The following ZNF548 variants were observed in gnomAD, a reference collection of about 807,000 sequenced individuals.
ZNF548 encodes zinc finger protein 548.
Under a neutral mutation model 10.2 loss-of-function variants are expected in ZNF548, and 10 were observed. That is an observed-to-expected ratio of 0.98 (90% CI 0.60 to 1.66). The LOEUF (loss-of-function observed/expected upper bound fraction) is 1.66, where lower values mean the gene tolerates loss of function less well. Ranked by LOEUF, ZNF548 falls within the 40% of genes most tolerant of loss-of-function variation. The pLI is 0.00. For synonymous variants in ZNF548, 217 were observed against 223.5 expected (o/e 0.97, Z 0.26); for missense variants, 599 against 657.0 (o/e 0.91, Z 0.97).
intron 1 of ZNF548, 35 bp from the exon 2 acceptor site, chr19:57,394,153 G>A (rs746377041): frequency 2.3e-5 from 36 of 1,594,402 alleles, no homozygotes; most frequent in Admixed American, 2.0e-4. Context: ...TCCTTCCATG[G>A]CTGTCAATTT....
Position 57,398,459 on chromosome 19 carries a change from G to A in ZNF548, c.208G>A (p.Ala70Thr), listed in dbSNP as rs17856896. 1.9e-5 allele frequency: 30 copies of A among 1,613,794 alleles called. No individual in the cohort carries two copies. The South Asian group carries it at 2.6e-4, about 14-fold the overall frequency. Residue 70 changes from alanine (A) to threonine (T), a missense_variant, in exon 4 of 4, where the codon GCA becomes ACA. Ala to Thr is a moderately conservative substitution (Grantham distance 58). Transcript: ENST00000336128. ...GSWHGAEDEE[A>T]PSQQGFSVGV... Reference sequence around the variant, plus strand: ...TTGGCATGGAGCTGAGGATGAGGAGGCACCTTCACAGCAAGGTTTTTCTGT... The same window carrying A: ...TTGGCATGGAGCTGAGGATGAGGAGACACCTTCACAGCAAGGTTTTTCTGT...
chr19:57,393,709 G>GA (rs2088644516), intron 1 of ZNF548, among the ~76,000 whole-genome samples: 1 of 91,176 alleles, frequency 1.1e-5, no homozygotes, highest in Non-Finnish European at 2.5e-5. Flanking sequence ...GAGGAGGGGA[G>GA]GGGGGAGGGC....
chr19:57,396,616 T>A (rs1410936043), intron 2 of ZNF548, among the ~76,000 whole-genome samples: 1 of 152,240 alleles, frequency 6.6e-6, no homozygotes, highest in African/African-American at 2.4e-5. Context: ...ATTTATTCCT[T>A]GCATTTCCCC....
At position 57,399,809 on chromosome 19, in the gene ZNF548, A is replaced by C. The variant is rs770126638; in HGVS notation, c.1558A>C (p.Met520Leu). The C allele has an allele frequency of 5.6e-6, 9 of 1,613,964 alleles. No homozygotes were observed. In the South Asian group the frequency reaches 8.8e-5, roughly 16 times the overall value. ...CAGTGAAGAGAGGCTTGTGTGCTCC[A>C]TGAATGTGGGGAATTCTTTAGCTAA... ...IHSEERLVCSMNVGNSLAKTP... is the reference protein window; with the variant it reads ...IHSEERLVCSLNVGNSLAKTP... Residue 520 changes from methionine to leucine, a missense_variant, in exon 4 of 4, where the codon ATG (methionine) becomes CTG (leucine). Transcript: ENST00000336128. The surrounding 1 kb of genome is among the most constrained non-coding windows in gnomAD (Gnocchi z 4.0).
chr19:57,394,284 G>T, intron 2 of ZNF548, 61 bp downstream of exon 2: 2 of 1,521,936 alleles, frequency 1.3e-6, no homozygotes, highest in African/African-American at 1.4e-5. Context: ...GTTTTGGCAG[G>T]TGACAAAACC....
intron 3 of ZNF548, among the ~76,000 whole-genome samples, chr19:57,397,558 G>T (rs1312969775): frequency 6.6e-6 from 1 of 152,108 alleles, no homozygotes; most frequent in East Asian, 1.9e-4. Context: ...CACTGCCCTG[G>T]TCACTGATTT....
chr19:57,396,937 T>C (rs1423297098), intron 2 of ZNF548, 111 bp from the exon 3 acceptor site: 1 of 1,442,460 alleles, frequency 6.9e-7, no homozygotes, highest in South Asian at 1.5e-5. Context: ...ATTTGGCTGT[T>C]AGTTTGGCCC....
chr19:57,391,797 T>G (rs1196672204), intron 1 of ZNF548, among the ~76,000 whole-genome samples: 3 of 144,894 alleles, frequency 2.1e-5, no homozygotes, highest in South Asian at 2.3e-4. Flanking sequence ...CTGTTTTTTT[T>G]TTTTTTTTTT....
Position 57,399,319 on chromosome 19 carries a change from A to G in ZNF548, c.1068A>G (p.Lys356=), listed in dbSNP as rs1318003588. 2 of 1,613,974 alleles carry G rather than the reference A, an allele frequency of 1.2e-6. No individual in the cohort carries two copies. Among genetic ancestry groups the G allele is most frequent in the Non-Finnish European group, 1.7e-6 (2 of 1,179,882 alleles). Residue 356 remains lysine (K), a synonymous_variant, in exon 4 of 4, where the codon AAA becomes AAG. Transcript: ENST00000336128. The surrounding 1 kb of genome is among the most constrained non-coding windows in gnomAD (Gnocchi z 4.0). Reference sequence around the variant, plus strand: ...CTTATAAGTGCAATGATTGTGGGAAATTTTTTAGGTATATCTCCACACTCA... The same window carrying G: ...CTTATAAGTGCAATGATTGTGGGAAGTTTTTTAGGTATATCTCCACACTCA... ...ERPYKCNDCG[K]FFRYISTLIR... is the part of the protein sequence containing the mutation.
intron 1 of ZNF548, among the ~76,000 whole-genome samples, chr19:57,391,323 G>GT: frequency 6.7e-6 from 1 of 149,318 alleles, no homozygotes; most frequent in East Asian, 2.0e-4. Context: ...TGGCCTAGTG[G>GT]TATTACCTTG....
intron 3 of ZNF548, among the ~76,000 whole-genome samples, chr19:57,397,870 A>T (rs1301157968): frequency 6.6e-6 from 1 of 152,140 alleles, no homozygotes; most frequent in Non-Finnish European, 1.5e-5. Context: ...TGCCAGGGCC[A>T]CTGGCCACAG....
chr19:57,398,711 A>G lies in ZNF548; in HGVS notation c.460A>G (p.Lys154Glu). 1 of 1,614,090 alleles carries G rather than the reference A, an allele frequency of 6.2e-7. No homozygotes were observed. Among genetic ancestry groups the G allele is most frequent in the Non-Finnish European group, 8.5e-7 (1 of 1,179,936 alleles). The change falls in exon 4 of 4, where the codon AAG (lysine) becomes GAG (glutamate). Residue 154 changes from lysine (K) to glutamate (E), a missense_variant. By Grantham distance (56) the Lys-to-Glu change is moderately conservative. Transcript: ENST00000336128. ...GGATGATTGGATACCTTCATTTGGG[A>G]AGAACCACAGAGTTCACATGGCAGA... Reference protein sequence around the residue: ...RGDDWIPSFGKNHRVHMAEEI... With the variant: ...RGDDWIPSFGENHRVHMAEEI...
At position 57,398,873 on chromosome 19, in the gene ZNF548, G is replaced by A. The variant is rs1410318693; in HGVS notation, c.622G>A (p.Asp208Asn). The A allele has an allele frequency of 6.8e-6, 11 of 1,613,924 alleles. No individual in the cohort carries two copies. The highest frequency in any genetic ancestry group is 9.3e-6 in the Non-Finnish European group (11 of 1,179,920). Residue 208 changes from aspartate (D) to asparagine (N), a missense_variant, in exon 4 of 4, where the codon GAT becomes AAT. Coordinates refer to ENST00000336128, the MANE Select transcript of ZNF548 (RefSeq NM_001172773.2). ...AGAAGCCTTTCAGACTGGACAAAAT[G>A]ATTACAAATGTAGTGAATGTGGGAA... The part of the protein sequence containing the change: ...DREAFQTGQN[D>N]YKCSECGKTF...
In ZNF548 at chr19:57,390,075, G is replaced by A. The variant is rs757947044; in HGVS notation, c.-25G>A. The A allele has an allele frequency of 1.9e-6, 3 of 1,608,660 alleles. No homozygotes were observed. Among genetic ancestry groups the A allele is most frequent in the Non-Finnish European group, 2.5e-6 (3 of 1,179,212 alleles). ...TGTCGCTCCCGCCCCGCTCTTCCCT[G>A]GCTGGGCTGGCGGAGGCCTTGCTGA... is the stretch of plus-strand genomic sequence containing the variant. On this transcript the variant is annotated 5_prime_UTR_variant, in exon 1 of 4. Transcript: ENST00000336128.
In ZNF548 at chr19:57,400,065, A is replaced by T. The variant is rs2088702909; in HGVS notation, c.*176A>T. On this transcript the variant is annotated 3_prime_UTR_variant, in exon 4 of 4. Coordinates refer to ENST00000336128, the MANE Select transcript of ZNF548 (RefSeq NM_001172773.2). ...TATTTCTATACTCTATGGTACTTATATGAGGTACCAATAGATATCTATGAA... is the reference window on the plus strand; with the variant it reads ...TATTTCTATACTCTATGGTACTTATTTGAGGTACCAATAGATATCTATGAA... 1 of 571,682 alleles carries T rather than the reference A, an allele frequency of 1.7e-6. No individual in the cohort carries two copies. 35.4% of individuals were successfully genotyped at this position (571,682 alleles called of 1,614,324 possible).
rs1354507925 is a variant in ZNF548 at position 57,402,365 on chromosome 19, T to C, written c.*2476T>C. 3 of 152,190 alleles carry C rather than the reference T, an allele frequency of 2.0e-5. No homozygotes were observed. The highest frequency in any genetic ancestry group is 4.4e-5 in the Non-Finnish European group (3 of 68,038). The allele number at this position is 152,190 out of a possible 1,614,324, so 9.4% of individuals were successfully genotyped here. A position where few individuals can be genotyped will look rare whatever the true frequency, so the allele number is the denominator to read the frequency against. ...ACTGCTGTATTCCAGCCCAAATTAC[T>C]CAAATTAGCCAATCCATGGGGAACA... On this transcript the variant is annotated 3_prime_UTR_variant, in exon 4 of 4. Coordinates refer to ENST00000336128, the MANE Select transcript of ZNF548 (RefSeq NM_001172773.2).
chr19:57,402,158 TTCCTC>T lies in ZNF548; in HGVS notation c.*2271_*2275del, dbSNP rs2088722404. 1 of 152,210 alleles carries T rather than the reference TTCCTC, an allele frequency of 6.6e-6. No homozygotes were observed. Among genetic ancestry groups the T allele is most frequent in the Admixed American group, 6.5e-5 (1 of 15,278 alleles). 9.4% of individuals were successfully genotyped at this position (152,210 alleles called of 1,614,324 possible). Reference sequence around the variant, plus strand: ...GCACCATTTTTTGAAAAGAGCATCTTTCCTCTGTTGAGTAGTCTTGGCACACTTGT... The same window carrying T: ...GCACCATTTTTTGAAAAGAGCATCTTTGTTGAGTAGTCTTGGCACACTTGT... On this transcript the variant is annotated 3_prime_UTR_variant, in exon 4 of 4. Transcript: ENST00000336128.
At position 57,395,047 on chromosome 19, in the gene ZNF548, G is replaced by A. The variant is rs925585931; in HGVS notation, c.51+824G>A. Among the ~76,000 whole-genome samples the A allele has an allele frequency of 6.6e-6, 1 of 151,980 alleles. No individual in the cohort carries two copies. The highest frequency in any genetic ancestry group is 1.5e-5 in the Non-Finnish European group (1 of 68,032). On this transcript the variant is annotated intron_variant, in intron 2 of 3. Coordinates refer to ENST00000336128, the MANE Select transcript of ZNF548 (RefSeq NM_001172773.2). The surrounding 1 kb of genome is among the most constrained non-coding windows in gnomAD (Gnocchi z 4.8). ...TCAGGTTGGAGATGTCCACACTATG[G>A]TGGCTGTCGTATGGACCAGGATGAA...
chr19:57,396,667 G>A (rs1324541058), intron 2 of ZNF548, among the ~76,000 whole-genome samples: 1 of 152,238 alleles, frequency 6.6e-6, no homozygotes, highest in African/African-American at 2.4e-5. Context: ...CACATGGTGA[G>A]GCACCAGATT....
Sources: gnomAD v4.1 joint callset for allele counts (sites outside exome capture counted in the v4.1 genomes callset) on GRCh38, gnomAD v4.1.1 for gene constraint, Gnocchi (gnomAD v3.1) non-coding constraint, MANE v1.5 for transcripts, NCBI Gene and HGNC (gene_info 2026-07-23, HGNC 2026-07-21) for gene names.